MYZAP: variants seen among roughly 807,000 people sequenced by gnomAD.
MYZAP encodes the protein myocardial zonula adherens protein, also known as GRINL1A complex locus upstream.
In MYZAP, 66 loss-of-function variants were observed where a neutral mutation model predicts 69.4. The ratio of observed to expected loss-of-function variants is 0.95; its 90% CI spans 0.78 to 1.17. MYZAP has a LOEUF of 1.17. MYZAP is among the 50% of genes most tolerant of loss of function. MYZAP has a pLI of 0.00. For missense variants in MYZAP, 611 were observed against 556.2 expected, an observed-to-expected ratio of 1.10 and a Z score of -0.99; for synonymous variants, 256 against 205.9, an observed-to-expected ratio of 1.24 and a Z score of -2.09.
chr15:57,634,361 C>T (rs1350595557), intron 8 of MYZAP, among the ~76,000 whole-genome samples: 1 of 152,140 alleles, frequency 6.6e-6, no homozygotes, highest in African/African-American at 2.4e-5. Flanking sequence ...TGACCTTTAG[C>T]AGGTGACGGC....
At chr15:57,642,509 T>TA (rs1394270971) in intron 10 of MYZAP, among the ~76,000 whole-genome samples, 2 of 152,212 alleles carry the variant, frequency 1.3e-5, no homozygotes, top group Admixed American at 1.3e-4. Context: ...TAGCGGATGT[T>TA]AAGGACCCTT....
intron 10 of MYZAP, among the ~76,000 whole-genome samples, chr15:57,649,904 G>A (rs948341189): frequency 4.0e-5 from 6 of 151,888 alleles, no homozygotes. Flanking sequence ...TATCTGTTTT[G>A]CATATATATT....
intron 10 of MYZAP, among the ~76,000 whole-genome samples, chr15:57,642,993 C>T (rs2037246498): frequency 1.3e-5 from 2 of 152,128 alleles, no homozygotes; most frequent in African/African-American, 4.8e-5. Context: ...GGAACCAAGT[C>T]CCTCTCACTA....
At chr15:57,653,506 T>C (rs553992679) in intron 10 of MYZAP, among the ~76,000 whole-genome samples, 55 of 152,286 alleles carry the variant, frequency 3.6e-4, no homozygotes, top group African/African-American at 1.3e-3. Context: ...TAATGTGGAT[T>C]TAAAATACTG....
intron 12 of MYZAP, among the ~76,000 whole-genome samples, chr15:57,679,340 T>TTGTGCG (rs2039306258): frequency 8.0e-6 from 1 of 125,512 alleles, no homozygotes; most frequent in Non-Finnish European, 1.7e-5. Context: ...TTTCACCTCT[T>TTGTGCG]TGTGTGTGTG....
Position 57,610,791 on chromosome 15 carries a change from C to G in MYZAP, c.162+6436C>G, listed in dbSNP as rs141942863. 4.2e-4 allele frequency among the ~76,000 whole-genome samples: 64 copies of G among 152,248 alleles called. No homozygotes were observed. The East Asian group carries it at 0.012, about 28-fold the overall frequency. ...CCAACTCTTCACCCTACAACCTTGT[C>G]AGACACGGAGGAGGAGCTGGGAATA... On this transcript the variant is annotated intron_variant, in intron 2 of 12. Transcript: ENST00000267853.
intron 12 of MYZAP, among the ~76,000 whole-genome samples, chr15:57,678,037 C>G (rs2039226466): frequency 1.9e-5 from 1 of 53,980 alleles, no homozygotes; most frequent in African/African-American, 7.9e-5. Context: ...GACCTTATCT[C>G]TACCAAAAAA....
Position 57,619,199 on chromosome 15 carries a change from G to A in MYZAP, c.318+1011G>A, listed in dbSNP as rs192718744. ...TCGCTTTTGTGTGAGTTTTTAAAAG[G>A]AACATTTCTTGTTGAATTTAAAAAA... On this transcript the variant is annotated intron_variant, in intron 3 of 12. Coordinates refer to ENST00000267853, the MANE Select transcript of MYZAP (RefSeq NM_001018100.5). 2.0e-5 allele frequency among the ~76,000 whole-genome samples: 3 copies of A among 152,202 alleles called. No individual in the cohort carries two copies. In the East Asian group the frequency reaches 5.8e-4, roughly 29 times the overall value.
At chr15:57,625,754 G>A (rs761821492) in intron 4 of MYZAP, 25 bp from the exon 5 acceptor site, 15 of 1,610,086 alleles carry the variant, frequency 9.3e-6, no homozygotes, top group African/African-American at 1.3e-5. Flanking sequence ...TTGATTTTGT[G>A]TGACTGTCTC....
chr15:57,683,184 C>T (rs1161644549), intron 12 of MYZAP, among the ~76,000 whole-genome samples: 1 of 152,164 alleles, frequency 6.6e-6, no homozygotes, highest in Non-Finnish European at 1.5e-5. Context: ...GCTATGGGCC[C>T]TGGTAGAGGG....
At chr15:57,639,052 A>G (rs1380197591) in intron 9 of MYZAP, among the ~76,000 whole-genome samples, 1 of 152,220 alleles carries the variant, frequency 6.6e-6, no homozygotes, top group African/African-American at 2.4e-5. Context: ...GTAGTTTGTT[A>G]GTAATCACAC....
intron 2 of MYZAP, among the ~76,000 whole-genome samples, chr15:57,606,411 C>A (rs978553577): frequency 1.3e-4 from 20 of 152,148 alleles, no homozygotes; most frequent in Middle Eastern, 3.4e-3. Flanking sequence ...TCAATAAATT[C>A]AATGTTATTT....
At chr15:57,617,958 G>A (rs769017778) in intron 2 of MYZAP, 75 bp from the exon 3 acceptor site, 11 of 1,528,806 alleles carry the variant, frequency 7.2e-6, no homozygotes, top group Non-Finnish European at 7.9e-6. Flanking sequence ...ATCATACACA[G>A]TGGGCCCGTT....
At chr15:57,632,138 T>C (rs2036542474) in intron 6 of MYZAP, among the ~76,000 whole-genome samples, 1 of 152,216 alleles carries the variant, frequency 6.6e-6, no homozygotes. Context: ...CCAATGCAAC[T>C]GATGAGATTG....
At chr15:57,629,565 G>A in intron 5 of MYZAP, 137 bp from the exon 6 acceptor site, 1 of 1,214,656 alleles carries the variant, frequency 8.2e-7, no homozygotes, top group African/African-American at 1.5e-5. Flanking sequence ...CACAGCACAG[G>A]GTCCCAGACT....
chr15:57,627,260 C>T (rs1186745642), intron 5 of MYZAP, among the ~76,000 whole-genome samples: 1 of 151,898 alleles, frequency 6.6e-6, no homozygotes, highest in African/African-American at 2.4e-5. Context: ...CAGCTCTGAC[C>T]CAGGCACCTT....
intron 10 of MYZAP, among the ~76,000 whole-genome samples, chr15:57,650,900 C>T (rs576128670): frequency 3.3e-5 from 5 of 152,066 alleles, no homozygotes; most frequent in Admixed American, 1.3e-4. Flanking sequence ...TTGGATGGTA[C>T]GAGGGAGTGA....
intron 2 of MYZAP, among the ~76,000 whole-genome samples, chr15:57,616,710 T>C: frequency 6.6e-6 from 1 of 150,914 alleles, no homozygotes; most frequent in Non-Finnish European, 1.5e-5. Flanking sequence ...CTTGGAAGAC[T>C]GAGGCAGGAG....
At chr15:57,609,102 A>G (rs1178915208) in intron 2 of MYZAP, among the ~76,000 whole-genome samples, 3 of 152,226 alleles carry the variant, frequency 2.0e-5, no homozygotes, top group South Asian at 2.1e-4. Flanking sequence ...CAAAATTTGT[A>G]TATAACATGT....
Sources: gnomAD v4.1 joint callset for allele counts (sites outside exome capture counted in the v4.1 genomes callset) on GRCh38, gnomAD v4.1.1 for gene constraint, MANE v1.5 for transcripts, NCBI Gene and HGNC (gene_info 2026-07-23, HGNC 2026-07-21) for gene names.